The following SLC8B1 variants were observed in gnomAD, a reference collection of about 807,000 sequenced individuals.
SLC8B1 encodes mitochondrial sodium/calcium exchanger protein.
SLC8B1 carries 52 observed loss-of-function variants against 63.4 expected under a neutral mutation model. The ratio of observed to expected loss-of-function variants is 0.82; its 90% CI spans 0.66 to 1.03. The LOEUF (loss-of-function observed/expected upper bound fraction) is 1.03. Among genes scored for constraint, SLC8B1 ranks in the 50% least tolerant of loss-of-function variants. The probability of loss-of-function intolerance (pLI) is 0.00; values close to 1 mark genes in which losing one functional copy is unlikely to be tolerated. For synonymous variants in SLC8B1, 336 were observed against 323.9 expected (o/e 1.04, Z -0.40); for missense variants, 657 against 741.7 (o/e 0.89, Z 1.33).
chr12:113,299,886 C>T lies in SLC8B1; in HGVS notation c.1646G>A (p.Cys549Tyr). Residue 549 changes from cysteine to tyrosine, a missense_variant, in exon 16 of 16, where the codon TGC (cysteine) becomes TAC (tyrosine). Cys to Tyr is a radical substitution (Grantham distance 194, BLOSUM62 -2). Coordinates refer to ENST00000680972, the MANE Select transcript of SLC8B1 (RefSeq NM_001358345.2). ...VFSLVSVPLQ[C>Y]FQLSRVYGFC... ...GCCATAGACTCTGCTGAGCTGGAAGCACTGCAATGGGACTGAGACCAGGGA... is the reference window on the plus strand; with the variant it reads ...GCCATAGACTCTGCTGAGCTGGAAGTACTGCAATGGGACTGAGACCAGGGA... 2 of 1,614,230 alleles carry T rather than the reference C, an allele frequency of 1.2e-6. No individual in the cohort carries two copies. Among genetic ancestry groups the T allele is most frequent in the Non-Finnish European group, 8.5e-7 (1 of 1,180,046 alleles).
chr12:113,313,720 C>G (rs1473736973), intron 11 of SLC8B1, among the ~76,000 whole-genome samples: 1 of 151,848 alleles, frequency 6.6e-6, no homozygotes, highest in Non-Finnish European at 1.5e-5. Context: ...GCGTGGGTGA[C>G]AGAGTGAGAG....
chr12:113,313,879 A>C (rs1414484621), intron 11 of SLC8B1, among the ~76,000 whole-genome samples: 1 of 151,608 alleles, frequency 6.6e-6, no homozygotes, highest in African/African-American at 2.4e-5. Context: ...GCATGGTGGC[A>C]GGTGCCTGTA....
At chr12:113,313,762 A>G (rs1956794519) in intron 11 of SLC8B1, among the ~76,000 whole-genome samples, 1 of 152,028 alleles carries the variant, frequency 6.6e-6, no homozygotes. Context: ...AAAAATATCA[A>G]ATGTAATAGT....
chr12:113,299,838 A>G lies in SLC8B1; in HGVS notation c.1694T>C (p.Leu565Pro). 6.2e-7 allele frequency: 1 copy of G among 1,614,250 alleles called. No homozygotes were observed. The highest frequency in any genetic ancestry group is 8.5e-7 in the Non-Finnish European group (1 of 1,180,046). ...VYGFCLLLFY[L>P]NFLVVALLTE... is the part of the protein sequence containing the mutation. ...GAGGAGGGCCACGACAAGGAAGTTC[A>G]GGTAGAAGAGGAGCAGGCAGAAGCC... The change falls in exon 16 of 16, where the codon CTG (leucine) becomes CCG (proline). Residue 565 changes from leucine (L) to proline (P), a missense_variant. Leu to Pro is a moderately conservative substitution (Grantham distance 98, BLOSUM62 -3). Transcript: ENST00000680972.
intron 15 of SLC8B1, among the ~76,000 whole-genome samples, chr12:113,303,173 T>C (rs182113917): frequency 6.7e-5 from 10 of 148,704 alleles, no homozygotes; most frequent in Non-Finnish European, 1.0e-4. Flanking sequence ...AGGAAATAGG[T>C]CCCCTGAGGA....
chr12:113,330,933 C>G (rs1957046478), intron 2 of SLC8B1, among the ~76,000 whole-genome samples: 1 of 152,162 alleles, frequency 6.6e-6, no homozygotes, highest in Non-Finnish European at 1.5e-5. Context: ...GTGACCTCCT[C>G]TTCTCCCCTT....
chr12:113,315,339 C>T lies in SLC8B1; in HGVS notation c.1131G>A (p.Gly377=). 1 of 1,537,450 alleles carries T rather than the reference C, an allele frequency of 6.5e-7. No homozygotes were observed. Among genetic ancestry groups the T allele is most frequent in the South Asian group, 1.2e-5 (1 of 82,054 alleles). The change falls in exon 11 of 16, where the codon GGG becomes GGA. Residue 377 remains glycine, a synonymous_variant. Transcript: ENST00000680972. ...PLVVVLTLQS[G]TYGVYEIGGL... ...CCCGGGGTAGGGGATACTCACAGGT[C>T]CCCGACTGCAGGGTCAGGACCACAA... is the stretch of plus-strand genomic sequence containing the variant.
Position 113,320,404 on chromosome 12 carries a change from A to G in SLC8B1, c.621T>C (p.Val207=), listed in dbSNP as rs772380727. Residue 207 remains valine, a synonymous_variant, in exon 7 of 16, where the codon GTT becomes GTC. Transcript: ENST00000680972. This position sits in a 1 kb window ranked among gnomAD's most constrained non-coding sequence, Gnocchi z 5.3. ...TCAGGAACACAGCCACCATGTAGAA[A>G]ACGATGTCCCTGAAGAAGGGCCTGG... ...AASRPFFRDI[V]FYMVAVFLTF... is the part of the protein sequence containing the mutation. 1 of 1,614,110 alleles carries G rather than the reference A, an allele frequency of 6.2e-7. No homozygotes were observed. Among genetic ancestry groups the G allele is most frequent in the South Asian group, 1.1e-5 (1 of 91,072 alleles).
At position 113,299,611 on chromosome 12, in the gene SLC8B1, ACAG is replaced by A. The variant is rs1956541205; in HGVS notation, c.*163_*165del. On this transcript the variant is annotated 3_prime_UTR_variant, in exon 16 of 16. Transcript: ENST00000680972. Reference sequence around the variant, plus strand: ...GTTGGGTGCTGGCAGCAAGAGGTACACAGCAGTTCTCCCAGCTCACAGCAGTGA... The same window carrying A: ...GTTGGGTGCTGGCAGCAAGAGGTACACAGTTCTCCCAGCTCACAGCAGTGA... The A allele has an allele frequency of 1.5e-6, 1 of 664,520 alleles. No individual in the cohort carries two copies. The highest frequency in any genetic ancestry group is 2.7e-5 in the East Asian group (1 of 36,450). The allele number at this position is 664,520 out of a possible 1,614,324, so 41.2% of individuals were successfully genotyped here.
At chr12:113,315,128 A>G (rs1051831878) in intron 11 of SLC8B1, among the ~76,000 whole-genome samples, 1 of 152,246 alleles carries the variant, frequency 6.6e-6, no homozygotes, top group Non-Finnish European at 1.5e-5. Flanking sequence ...TCTGTGAAAA[A>G]TACAAAAATT....
chr12:113,316,797 G>A (rs540306423), intron 9 of SLC8B1, 141 bp from the exon 10 acceptor site: 468 of 1,494,742 alleles, frequency 3.1e-4, no homozygotes, highest in Non-Finnish European at 4.1e-4. Flanking sequence ...GACAACCCTG[G>A]CCCTTGGCTC....
At chr12:113,321,681 A>T (rs1956932873) in intron 2 of SLC8B1, among the ~76,000 whole-genome samples, 1 of 152,038 alleles carries the variant, frequency 6.6e-6, no homozygotes, top group Non-Finnish European at 1.5e-5. Flanking sequence ...CATTTCTCAG[A>T]TCAATTATAT....
At chr12:113,326,147 G>C (rs1425244377) in intron 2 of SLC8B1, among the ~76,000 whole-genome samples, 1 of 152,098 alleles carries the variant, frequency 6.6e-6, no homozygotes, top group Non-Finnish European at 1.5e-5. Context: ...TAAATCAAAA[G>C]AAGAATTTTC....
intron 13 of SLC8B1, among the ~76,000 whole-genome samples, chr12:113,307,161 C>CCAATTTT (rs1459882481): frequency 8.5e-6 from 1 of 117,424 alleles, no homozygotes; most frequent in Non-Finnish European, 1.7e-5. Context: ...ACTACGGCTA[C>CCAATTTT]CAATTTTTCA....
intron 2 of SLC8B1, among the ~76,000 whole-genome samples, chr12:113,325,140 C>T (rs886378173): frequency 6.6e-6 from 1 of 152,164 alleles, no homozygotes; most frequent in Admixed American, 6.5e-5. Context: ...TTCAAATTTG[C>T]CCTCCTCAGA....
intron 2 of SLC8B1, among the ~76,000 whole-genome samples, chr12:113,327,710 C>A (rs538824528): frequency 1.5e-4 from 22 of 149,586 alleles, no homozygotes; most frequent in African/African-American, 5.4e-4. Flanking sequence ...AGGCTGGGCG[C>A]GGTGGGTCAC....
At chr12:113,328,023 A>ATTAT (rs200229202) in intron 2 of SLC8B1, among the ~76,000 whole-genome samples, 2,828 of 118,832 alleles carry the variant, frequency 0.024, 53 homozygotes, top group South Asian at 0.077. Flanking sequence ...CTAAGTTTTA[A>ATTAT]TTATTTATTT....
intron 2 of SLC8B1, 145 bp downstream of exon 2, chr12:113,332,578 T>C (rs1260502687): frequency 1.5e-5 from 15 of 990,556 alleles, no homozygotes; most frequent in Non-Finnish European, 2.0e-5. Context: ...GTCAGCTTCT[T>C]GAGAGTAGTG....
intron 15 of SLC8B1, among the ~76,000 whole-genome samples, chr12:113,300,906 C>T (rs546931167): frequency 2.0e-5 from 3 of 152,298 alleles, no homozygotes; most frequent in Admixed American, 6.5e-5. Context: ...GAGGCCAAAG[C>T]GGGCAGATCA....
Sources: gnomAD v4.1 joint callset for allele counts (sites outside exome capture counted in the v4.1 genomes callset) on GRCh38, gnomAD v4.1.1 for gene constraint, Gnocchi (gnomAD v3.1) non-coding constraint, MANE v1.5 for transcripts, NCBI Gene and HGNC (gene_info 2026-07-23, HGNC 2026-07-21) for gene names.